RBCK1: variants seen among roughly 807,000 people sequenced by gnomAD.
The protein encoded by RBCK1 is RANBP2-type and C3HC4-type zinc finger containing 1.
In RBCK1, 44 loss-of-function variants were observed where a neutral mutation model predicts 71.1. The ratio of observed to expected loss-of-function variants is 0.62; its 90% CI spans 0.49 to 0.80. The LOEUF (loss-of-function observed/expected upper bound fraction) is 0.80, where lower values mean the gene tolerates loss of function less well. Ranked by LOEUF, RBCK1 falls within the 30% of genes least tolerant of loss-of-function variation. The probability of loss-of-function intolerance (pLI) is 0.00; values close to 1 mark genes in which losing one functional copy is unlikely to be tolerated. For missense variants in RBCK1, 569 were observed against 685.0 expected (o/e 0.83, Z 1.89); for synonymous variants, 306 against 279.7 (o/e 1.09, Z -0.94).
At chr20:418,572 G>C (rs952609334) in intron 4 of RBCK1, among the ~76,000 whole-genome samples, 2 of 152,100 alleles carry the variant, frequency 1.3e-5, no homozygotes, top group Non-Finnish European at 2.9e-5. Context: ...GTTTCACCGT[G>C]TTAGCCAGGA....
chr20:414,890 G>A (rs1031705290), intron 2 of RBCK1, among the ~76,000 whole-genome samples: 2 of 151,922 alleles, frequency 1.3e-5, no homozygotes, highest in African/African-American at 2.4e-5. Flanking sequence ...AACTTTTCAC[G>A]TGGAAAATGT....
At position 417,455 on chromosome 20, in the gene RBCK1, A is replaced by G; in HGVS notation, c.168-71A>G. ...CATGTGCCTGTGTGCAAATATGTAC[A>G]TGTCTGTAGCCGGTGGCTGAGGCTG... On this transcript the variant is annotated intron_variant, in intron 2 of 11. Transcript: ENST00000356286. This position sits in a 1 kb window ranked among gnomAD's most constrained non-coding sequence, Gnocchi z 4.7. The G allele has an allele frequency of 7.5e-7, 1 of 1,327,694 alleles. No individual in the cohort carries two copies. Among genetic ancestry groups the G allele is most frequent in the Non-Finnish European group, 1.1e-6 (1 of 922,716 alleles). 82.2% of individuals were successfully genotyped at this position (1,327,694 alleles called of 1,614,324 possible).
chr20:425,720 G>A (rs1404435463), intron 8 of RBCK1, among the ~76,000 whole-genome samples: 12 of 149,242 alleles, frequency 8.0e-5, no homozygotes, highest in Non-Finnish European at 3.0e-5. Flanking sequence ...TCCACCTCCC[G>A]GGTTCAAACG....
At position 411,638 on chromosome 20, in the gene RBCK1, A is replaced by G. The variant is rs1167353192; in HGVS notation, c.167+1613A>G. Among the ~76,000 whole-genome samples the G allele has an allele frequency of 3.9e-5, 6 of 152,162 alleles. No individual in the cohort carries two copies. The East Asian group carries it at 9.6e-4, about 24-fold the overall frequency. The stretch of plus-strand genomic sequence containing the variant: ...CGCCTATGCCTCCCAATGTGCTGGG[A>G]CTACAGGCGTGAGCCACCACACCCA... On this transcript the variant is annotated intron_variant, in intron 2 of 11. Coordinates refer to ENST00000356286, the MANE Select transcript of RBCK1 (RefSeq NM_031229.4).
rs189945390 is a variant in RBCK1 at position 421,268 on chromosome 20, G to T, written c.917+237G>T. ...GCAGCCTAGACGTGAGCGCAGGCGTGGGGGGAGACTCCCTTCCCCTCTACC... is the reference window on the plus strand; with the variant it reads ...GCAGCCTAGACGTGAGCGCAGGCGTTGGGGGAGACTCCCTTCCCCTCTACC... On this transcript the variant is annotated intron_variant, in intron 7 of 11. Coordinates refer to ENST00000356286, the MANE Select transcript of RBCK1 (RefSeq NM_031229.4). Among the ~76,000 whole-genome samples the T allele has an allele frequency of 4.0e-5, 6 of 151,138 alleles. No individual in the cohort carries two copies. In the East Asian group the frequency reaches 7.7e-4, roughly 19 times the overall value.
chr20:424,387 A>G (rs2016593452), intron 8 of RBCK1, among the ~76,000 whole-genome samples: 1 of 148,392 alleles, frequency 6.7e-6, no homozygotes, highest in Non-Finnish European at 1.5e-5. Context: ...CGAGGCCCAA[A>G]TGGGAGATCC....
chr20:417,174 T>C lies in RBCK1; in HGVS notation c.168-352T>C, dbSNP rs1279982618. On this transcript the variant is annotated intron_variant, in intron 2 of 11. Coordinates refer to ENST00000356286, the MANE Select transcript of RBCK1 (RefSeq NM_031229.4). This position sits in a 1 kb window ranked among gnomAD's most constrained non-coding sequence, Gnocchi z 4.7. Reference sequence around the variant, plus strand: ...GTTAATACACATGAAGTGCATTAAATAGTCTTAGCACGTAGTTAACAACAA... The same window carrying C: ...GTTAATACACATGAAGTGCATTAAACAGTCTTAGCACGTAGTTAACAACAA... The C allele has an allele frequency of 2.0e-6, 1 of 504,086 alleles. No individual in the cohort carries two copies. The highest frequency in any genetic ancestry group is 4.0e-6 in the Non-Finnish European group (1 of 248,720). The allele number at this position is 504,086 out of a possible 1,614,324, so 31.2% of individuals were successfully genotyped here.
chr20:419,263 C>T, intron 4 of RBCK1, 84 bp from the exon 5 acceptor site: 1 of 1,578,318 alleles, frequency 6.3e-7, no homozygotes. Flanking sequence ...GAGGGTCTGC[C>T]TGGCTGGCTC....
intron 8 of RBCK1, among the ~76,000 whole-genome samples, chr20:425,560 T>C (rs1032973011): frequency 1.3e-5 from 2 of 152,202 alleles, no homozygotes; most frequent in Non-Finnish European, 2.9e-5. Context: ...ATATACTGTT[T>C]ATACCTCTTA....
At chr20:421,569 C>T (rs1050785050) in intron 7 of RBCK1, among the ~76,000 whole-genome samples, 1 of 152,226 alleles carries the variant, frequency 6.6e-6, no homozygotes, top group East Asian at 1.9e-4. Flanking sequence ...CATTAAGAGA[C>T]AACAGGAGTC....
chr20:419,868 TGCACCTGGCTGTGACCC>T (rs2016277344), intron 6 of RBCK1, 137 bp downstream of exon 6: 1 of 301,520 alleles, frequency 3.3e-6, no homozygotes, highest in Non-Finnish European at 4.2e-6. Flanking sequence ...GCAGTGACCC[TGCACCTGGCTGTGACCC>T]TGCACCTGGC....
chr20:416,030 GGATTACA>G (rs900711888), intron 2 of RBCK1, among the ~76,000 whole-genome samples: 33 of 152,230 alleles, frequency 2.2e-4, no homozygotes, highest in African/African-American at 7.9e-4. Context: ...TCAACACTGA[GGATTACA>G]GTTCAAGGTA....
rs560253511 is a variant in RBCK1 at position 409,704 on chromosome 20, A to C, written c.23-177A>C. 4 of 923,608 alleles carry C rather than the reference A, an allele frequency of 4.3e-6. No homozygotes were observed. In the African/African-American group the frequency reaches 5.0e-5, roughly 11 times the overall value. 57.2% of individuals were successfully genotyped at this position (923,608 alleles called of 1,614,324 possible). A position where few individuals can be genotyped will look rare whatever the true frequency, so the allele number is the denominator to read the frequency against. On this transcript the variant is annotated intron_variant, in intron 1 of 11. Transcript: ENST00000356286. The stretch of plus-strand genomic sequence containing the variant: ...AGTGTGAGGAGGAGTGGGGAATATT[A>C]GAGAACCCCTCCCGGAGAAAGGGAC...
At chr20:416,229 C>T (rs983845947) in intron 2 of RBCK1, among the ~76,000 whole-genome samples, 1 of 149,676 alleles carries the variant, frequency 6.7e-6, no homozygotes, top group Non-Finnish European at 1.5e-5. Context: ...AATCTTGGCT[C>T]ACTGCACGGT....
intron 2 of RBCK1, among the ~76,000 whole-genome samples, chr20:412,072 T>C (rs971628944): frequency 2.7e-4 from 41 of 152,250 alleles, no homozygotes; most frequent in African/African-American, 9.9e-4. Context: ...TTTTCCAAAG[T>C]GGCTGCACCA....
chr20:417,844 GTGCC>G lies in RBCK1; in HGVS notation c.376_379del (p.Ala126ThrfsTer149). 1 of 1,614,018 alleles carries G rather than the reference GTGCC, an allele frequency of 6.2e-7. No homozygotes were observed. The highest frequency in any genetic ancestry group is 8.5e-7 in the Non-Finnish European group (1 of 1,180,026). On this transcript the variant is annotated frameshift_variant, in exon 4 of 12. Coordinates refer to ENST00000356286, the MANE Select transcript of RBCK1 (RefSeq NM_031229.4). LOFTEE classifies it high-confidence loss of function. The surrounding 1 kb of genome is among the most constrained non-coding windows in gnomAD (Gnocchi z 4.7). ...CATGGGGTGCGGCAGAATGGGGACA[GTGCC>G]TACCTCTATCTGCTGTCAGCCCGCA...
At position 429,162 on chromosome 20, in the gene RBCK1, A is replaced by T. The variant is rs1184215427; in HGVS notation, c.1452+68A>T. ...GGCTTTGCCTTAGAGGAGGGCTGGG[A>T]AAACTACAGCCCATGGGCCATATCC... On this transcript the variant is annotated intron_variant, in intron 11 of 11. Coordinates refer to ENST00000356286, the MANE Select transcript of RBCK1 (RefSeq NM_031229.4). 6 of 1,540,768 alleles carry T rather than the reference A, an allele frequency of 3.9e-6. No homozygotes were observed. In the African/African-American group the frequency reaches 8.3e-5, roughly 21 times the overall value.
chr20:430,177 G>A lies in RBCK1; in HGVS notation c.1453-173G>A. Among the ~76,000 whole-genome samples, 1 of 152,218 alleles carries A rather than the reference G, an allele frequency of 6.6e-6. No homozygotes were observed. The highest frequency in any genetic ancestry group is 2.1e-4 in the South Asian group (1 of 4,834). ...GGATCTAGGCGTGGGTAGACTGAGT[G>A]CTGTGGGAGCCCAGAAAAGGCCTCA... On this transcript the variant is annotated intron_variant, in intron 11 of 11. Transcript: ENST00000356286. The surrounding 1 kb of genome is among the most constrained non-coding windows in gnomAD (Gnocchi z 5.6).
rs1322389773 is a variant in RBCK1, at chr20:428,013, T to A, written c.1210-478T>A. Among the ~76,000 whole-genome samples the A allele has an allele frequency of 6.6e-6, 1 of 152,104 alleles. No homozygotes were observed. Among genetic ancestry groups the A allele is most frequent in the Non-Finnish European group, 1.5e-5 (1 of 68,000 alleles). ...CCCAAACCTAGACAGCCCTACCTGA[T>A]CCTTCCCCCAGGCCTGTCCCCGCCG... On this transcript the variant is annotated intron_variant, in intron 9 of 11. Transcript: ENST00000356286. This position sits in a 1 kb window ranked among gnomAD's most constrained non-coding sequence, Gnocchi z 5.7.
Sources: gnomAD v4.1 joint callset for allele counts (sites outside exome capture counted in the v4.1 genomes callset) on GRCh38, gnomAD v4.1.1 for gene constraint, Gnocchi (gnomAD v3.1) non-coding constraint, MANE v1.5 for transcripts, NCBI Gene and HGNC (gene_info 2026-07-23, HGNC 2026-07-21) for gene names.